POLQ: variants seen among roughly 807,000 people sequenced by gnomAD.
The protein encoded by POLQ is DNA polymerase theta, also known as epididymis secretory sperm binding protein.
In POLQ, 233 loss-of-function variants were observed where a neutral mutation model predicts 259.2. The observed-to-expected ratio is 0.90, with a 90% CI of 0.81 to 1.00. The LOEUF (loss-of-function observed/expected upper bound fraction) is 1.00, where lower values mean the gene tolerates loss of function less well. Among genes scored for constraint, POLQ ranks in the 50% least tolerant of loss-of-function variants. The pLI is 0.00. For synonymous variants in POLQ, 1,025 were observed against 1,048.8 expected (o/e 0.98, Z 0.44); for missense variants, 2,871 against 3,051.6 (o/e 0.94, Z 1.39).
At chr3:121,482,240 C>T (rs1240710406) in intron 18 of POLQ, among the ~76,000 whole-genome samples, 1 of 152,092 alleles carries the variant, frequency 6.6e-6, no homozygotes, top group East Asian at 1.9e-4. Context: ...AGTGAGGCGC[C>T]GGGCGCAGTG....
intron 5 of POLQ, among the ~76,000 whole-genome samples, chr3:121,536,445 G>A (rs1017743766): frequency 1.3e-4 from 19 of 151,956 alleles, no homozygotes; most frequent in Non-Finnish European, 2.2e-4. Context: ...AGAGTTGAAA[G>A]GTAGTTGCCT....
At chr3:121,442,741 C>A (rs1358107488) in intron 26 of POLQ, among the ~76,000 whole-genome samples, 1 of 152,160 alleles carries the variant, frequency 6.6e-6, no homozygotes, top group Non-Finnish European at 1.5e-5. Flanking sequence ...AATAGTGCTG[C>A]AATAAACATG....
intron 22 of POLQ, among the ~76,000 whole-genome samples, chr3:121,469,093 CAGG>C (rs2047862196): frequency 6.7e-6 from 1 of 148,380 alleles, no homozygotes; most frequent in Admixed American, 6.9e-5. Flanking sequence ...GAGGCTGTGG[CAGG>C]AGAATTGCTT....
chr3:121,517,239 T>C (rs2048305052), intron 9 of POLQ, among the ~76,000 whole-genome samples: 1 of 152,220 alleles, frequency 6.6e-6, no homozygotes, highest in Non-Finnish European at 1.5e-5. Context: ...GAAGGAAGAA[T>C]CTCACTCTCT....
At position 121,432,179 on chromosome 3, in the gene POLQ, A is replaced by T; in HGVS notation, c.*125T>A. The T allele has an allele frequency of 1.2e-6, 1 of 855,554 alleles. No individual in the cohort carries two copies. The highest frequency in any genetic ancestry group is 1.7e-6 in the Non-Finnish European group (1 of 586,808). 53.0% of individuals were successfully genotyped at this position (855,554 alleles called of 1,614,324 possible). A position where few individuals can be genotyped will look rare whatever the true frequency, so the allele number is the denominator to read the frequency against. ...AGTTTGAAACTCTCACTATAAAATT[A>T]CTAGGCTAAGTCTATCAAGACTTGA... is the stretch of plus-strand genomic sequence containing the variant. On this transcript the variant is annotated 3_prime_UTR_variant, in exon 30 of 30. Transcript: ENST00000264233.
At position 121,487,480 on chromosome 3, in the gene POLQ, T is replaced by G; in HGVS notation, c.5451A>C (p.Pro1817=). ...ACAAACTTTCTGAACTGCTTGAGGCTGGAGTTAACTGTAATCCATCCTGTG... is the reference window on the plus strand; with the variant it reads ...ACAAACTTTCTGAACTGCTTGAGGCGGGAGTTAACTGTAATCCATCCTGTG... The part of the protein sequence containing the change: ...QLSQDGLQLT[P]ASSSSESLSI... The change falls in exon 16 of 30, where the codon CCA becomes CCC. Residue 1817 remains proline, a synonymous_variant. Coordinates refer to ENST00000264233, the MANE Select transcript of POLQ (RefSeq NM_199420.4). 6.2e-7 allele frequency: 1 copy of G among 1,614,134 alleles called. No individual in the cohort carries two copies. Among genetic ancestry groups the G allele is most frequent in the Non-Finnish European group, 8.5e-7 (1 of 1,179,996 alleles).
Position 121,432,357 on chromosome 3 carries a change from CTTTCAA to C in POLQ, c.7714_7719del (p.Leu2572_Lys2573del). 2 of 1,609,524 alleles carry C rather than the reference CTTTCAA, an allele frequency of 1.2e-6. No homozygotes were observed. Among genetic ancestry groups the C allele is most frequent in the Non-Finnish European group, 8.5e-7 (1 of 1,177,872 alleles). On this transcript the variant is annotated inframe_deletion, in exon 30 of 30. Transcript: ENST00000264233. ...CAGCTGGCGCCTATTTTCACTTTCA[CTTTCAA>C]TTTCACAGACAGTTTTACAGCACTT...
intron 14 of POLQ, chr3:121,494,720 A>C: frequency 6.3e-7 from 1 of 1,578,084 alleles, no homozygotes; most frequent in Non-Finnish European, 8.6e-7. Context: ...TGTCGCCTTC[A>C]CACAGGTGAA....
intron 25 of POLQ, among the ~76,000 whole-genome samples, chr3:121,458,900 A>G (rs650469): frequency 0.098 from 14,942 of 152,218 alleles, 1,064 homozygotes; most frequent in African/African-American, 0.2. Flanking sequence ...ACACACACAC[A>G]AAAACTACAA....
At chr3:121,484,272 G>T (rs1435932749) in intron 17 of POLQ, among the ~76,000 whole-genome samples, 1 of 152,126 alleles carries the variant, frequency 6.6e-6, no homozygotes, top group Non-Finnish European at 1.5e-5. Context: ...AGATCACAGG[G>T]TATTTCCAGA....
intron 25 of POLQ, among the ~76,000 whole-genome samples, chr3:121,457,540 A>G (rs2047752553): frequency 6.6e-6 from 1 of 152,186 alleles, no homozygotes; most frequent in African/African-American, 2.4e-5. Flanking sequence ...ACTTACAAGA[A>G]AAAAACAAAC....
At chr3:121,487,106 AC>A (rs1184480979) in intron 16 of POLQ, among the ~76,000 whole-genome samples, 195 bp downstream of exon 16, 1 of 152,076 alleles carries the variant, frequency 6.6e-6, no homozygotes, top group Non-Finnish European at 1.5e-5. Context: ...CACCTCTTAT[AC>A]TGGAGGGCAA....
At position 121,494,161 on chromosome 3, in the gene POLQ, G is replaced by A. The variant is rs1419002208; in HGVS notation, c.2279-440C>T. On this transcript the variant is annotated intron_variant, in intron 14 of 29. Transcript: ENST00000264233. ...AACGAAGGTGGCTCCGGCCCCTGCT[G>A]TCGTGAAGAAGCAGGAGGCTAAGAA... 4 of 981,826 alleles carry A rather than the reference G, an allele frequency of 4.1e-6. No individual in the cohort carries two copies. In the African/African-American group the frequency reaches 4.8e-5, roughly 12 times the overall value. The allele number at this position is 981,826 out of a possible 1,614,324, so 60.8% of individuals were successfully genotyped here.
At chr3:121,445,582 G>A (rs1169947703) in intron 26 of POLQ, among the ~76,000 whole-genome samples, 2 of 151,982 alleles carry the variant, frequency 1.3e-5, no homozygotes, top group South Asian at 2.1e-4. Flanking sequence ...TTATTTTCAG[G>A]CCAGGTGCAG....
chr3:121,481,897 G>A (rs2047974632), intron 18 of POLQ, 85 bp from the exon 19 acceptor site: 1 of 1,220,390 alleles, frequency 8.2e-7, no homozygotes, highest in South Asian at 1.5e-5. Context: ...AAAAAACAAA[G>A]CTCATTTCTA....
chr3:121,483,620 A>T (rs1292874140), intron 17 of POLQ, 38 bp from the exon 18 acceptor site: 1 of 1,460,542 alleles, frequency 6.8e-7, no homozygotes, highest in East Asian at 2.4e-5. Flanking sequence ...AACATTTTTA[A>T]GGCAAAAATT....
chr3:121,535,798 C>T (rs922256793), intron 5 of POLQ, among the ~76,000 whole-genome samples: 1 of 151,322 alleles, frequency 6.6e-6, no homozygotes, highest in East Asian at 1.9e-4. Context: ...TGTGTGTTCA[C>T]TGAAATAAAG....
Position 121,496,886 on chromosome 3 carries a change from A to T in POLQ, c.2200T>A (p.Leu734Ile). The stretch of plus-strand genomic sequence containing the variant: ...CCATATTTCTGATTTATTTCCCTTA[A>T]GGGAACTTCACTGATTAAATCTAAT... ...VLLDLISEVP[L>I]REINQKYGCN... Residue 734 changes from leucine to isoleucine, a missense_variant, in exon 14 of 30, where the codon TTA (leucine) becomes ATA (isoleucine). Coordinates refer to ENST00000264233, the MANE Select transcript of POLQ (RefSeq NM_199420.4). 6.2e-7 allele frequency: 1 copy of T among 1,613,308 alleles called. No homozygotes were observed. The highest frequency in any genetic ancestry group is 1.3e-5 in the African/African-American group (1 of 75,022).
intron 26 of POLQ, among the ~76,000 whole-genome samples, chr3:121,446,710 C>T (rs1232981447): frequency 6.6e-6 from 1 of 152,064 alleles, no homozygotes; most frequent in Non-Finnish European, 1.5e-5. Context: ...GACCTTCTGT[C>T]TCTTTTCATA....
Sources: gnomAD v4.1 joint callset for allele counts (sites outside exome capture counted in the v4.1 genomes callset) on GRCh38, gnomAD v4.1.1 for gene constraint, MANE v1.5 for transcripts, NCBI Gene and HGNC (gene_info 2026-07-23, HGNC 2026-07-21) for gene names.